Variants in RSU1 observed in about 807,000 individuals in gnomAD.
The protein encoded by RSU1 is Ras suppressor protein 1, also known as rsu-1.
A neutral mutation model predicts 31.1 loss-of-function variants in RSU1; 26 were observed. The ratio of observed to expected loss-of-function variants is 0.84; its 90% CI spans 0.61 to 1.16. RSU1 has a LOEUF of 1.16. Among genes scored for constraint, RSU1 ranks in the 50% most tolerant of loss-of-function variants. The probability of loss-of-function intolerance (pLI) is 0.00; values close to 1 mark genes in which losing one functional copy is unlikely to be tolerated. For synonymous variants in RSU1, 164 were observed against 136.3 expected (o/e 1.20, Z -1.41); for missense variants, 320 against 339.1 (o/e 0.94, Z 0.44).
chr10:16,629,333 A>C (rs1266715614), intron 8 of RSU1, among the ~76,000 whole-genome samples: 1 of 152,136 alleles, frequency 6.6e-6, no homozygotes, highest in East Asian at 1.9e-4. Context: ...CCTTTTGAAC[A>C]GGACCGAACT....
rs553752027 is a variant in RSU1 at position 16,751,912 on chromosome 10, C to T, written c.598+627G>A. Among the ~76,000 whole-genome samples, 19 of 152,074 alleles carry T rather than the reference C, an allele frequency of 1.2e-4. No individual in the cohort carries two copies. In the South Asian group the frequency reaches 1.7e-3, roughly 13 times the overall value. On this transcript the variant is annotated intron_variant, in intron 7 of 8. Coordinates refer to ENST00000345264, the MANE Select transcript of RSU1 (RefSeq NM_012425.4). The stretch of plus-strand genomic sequence containing the variant: ...TTACTGGCTTGGAGGTTATTTCTGG[C>T]GGGGGACATAAACCCACCCTGGAAA...
intron 7 of RSU1, among the ~76,000 whole-genome samples, chr10:16,699,460 G>A (rs924218775): frequency 6.6e-5 from 10 of 152,346 alleles, no homozygotes; most frequent in African/African-American, 1.9e-4. Flanking sequence ...TGCCTCGGCA[G>A]AGCTCGTCTG....
intron 3 of RSU1, among the ~76,000 whole-genome samples, chr10:16,765,507 T>C (rs1171867230): frequency 6.6e-6 from 1 of 152,142 alleles, no homozygotes; most frequent in African/African-American, 2.4e-5. Flanking sequence ...GGTTCCTCCT[T>C]CCCTAGAATA....
chr10:16,789,863 G>C (rs1337839185), intron 2 of RSU1, among the ~76,000 whole-genome samples: 4 of 152,332 alleles, frequency 2.6e-5, no homozygotes, highest in Non-Finnish European at 5.9e-5. Flanking sequence ...GGCATTTTCA[G>C]AGTAGAATAC....
intron 8 of RSU1, among the ~76,000 whole-genome samples, chr10:16,635,057 C>T (rs1361394475): frequency 2.0e-5 from 3 of 152,152 alleles, no homozygotes; most frequent in Non-Finnish European, 4.4e-5. Flanking sequence ...GGGAAGAAAA[C>T]GGACGTCCAT....
intron 2 of RSU1, among the ~76,000 whole-genome samples, chr10:16,799,129 G>C (rs1272427184): frequency 6.6e-6 from 1 of 152,178 alleles, no homozygotes; most frequent in Non-Finnish European, 1.5e-5. Context: ...TGTATCATAG[G>C]AAATGGCTAT....
At chr10:16,656,944 T>C (rs1480277441) in intron 8 of RSU1, among the ~76,000 whole-genome samples, 2 of 152,160 alleles carry the variant, frequency 1.3e-5, no homozygotes, top group Non-Finnish European at 2.9e-5. Context: ...ACAGTACAAA[T>C]AGAAGAACCG....
At chr10:16,767,628 G>GA in intron 3 of RSU1, among the ~76,000 whole-genome samples, 1 of 151,994 alleles carries the variant, frequency 6.6e-6, no homozygotes, top group East Asian at 1.9e-4. Context: ...CAGCCATAGT[G>GA]AAAATCTAAA....
chr10:16,738,962 T>C (rs1325556242), intron 7 of RSU1, among the ~76,000 whole-genome samples: 1 of 150,788 alleles, frequency 6.6e-6, no homozygotes, highest in Non-Finnish European at 1.5e-5. Context: ...ACATGTGGTG[T>C]TTGGTTTTCT....
intron 7 of RSU1, among the ~76,000 whole-genome samples, chr10:16,735,689 T>G (rs7897105): frequency 0.062 from 9,358 of 152,144 alleles, 553 homozygotes; most frequent in African/African-American, 0.15. Flanking sequence ...CATGTCCTTC[T>G]TCACGTAGCG....
intron 7 of RSU1, among the ~76,000 whole-genome samples, chr10:16,707,308 A>C (rs1835926886): frequency 6.6e-6 from 1 of 152,074 alleles, no homozygotes; most frequent in Non-Finnish European, 1.5e-5. Flanking sequence ...TTTTTGAAGG[A>C]TCTCCATACT....
rs548293063 is a variant in RSU1, at chr10:16,662,323, T to C, written c.731+32700A>G. On this transcript the variant is annotated intron_variant, in intron 8 of 8. Coordinates refer to ENST00000345264, the MANE Select transcript of RSU1 (RefSeq NM_012425.4). ...CTCTTTGAGAAATACTGGTAAATTT[T>C]TTGAATGGATTTCTGATTAATCAAA... Among the ~76,000 whole-genome samples, 3 of 152,292 alleles carry C rather than the reference T, an allele frequency of 2.0e-5. No homozygotes were observed. The East Asian group carries it at 5.8e-4, about 29-fold the overall frequency.
At chr10:16,733,780 AG>A (rs1328444928) in intron 7 of RSU1, among the ~76,000 whole-genome samples, 1 of 152,232 alleles carries the variant, frequency 6.6e-6, no homozygotes, top group African/African-American at 2.4e-5. Context: ...TTGAATGAGA[AG>A]AACAAGCTGA....
At chr10:16,796,030 C>T (rs889971993) in intron 2 of RSU1, among the ~76,000 whole-genome samples, 2 of 152,142 alleles carry the variant, frequency 1.3e-5, no homozygotes, top group Non-Finnish European at 2.9e-5. Flanking sequence ...GCAGGAGGAG[C>T]TGGAATCCTA....
At chr10:16,698,382 C>T (rs891210246) in intron 7 of RSU1, among the ~76,000 whole-genome samples, 5 of 152,152 alleles carry the variant, frequency 3.3e-5, no homozygotes, top group East Asian at 1.9e-4. Context: ...AAGAAGCACT[C>T]GTGTTCTACT....
intron 8 of RSU1, among the ~76,000 whole-genome samples, chr10:16,689,122 A>G (rs982338077): frequency 6.6e-6 from 1 of 152,194 alleles, no homozygotes; most frequent in Non-Finnish European, 1.5e-5. Flanking sequence ...AGCAATGAAA[A>G]AGAAGAGTCT....
At chr10:16,814,451 G>GA (rs369214166) in intron 2 of RSU1, among the ~76,000 whole-genome samples, 67,903 of 120,896 alleles carry the variant, frequency 0.56, 20,890 homozygotes, top group Non-Finnish European at 0.67. Context: ...CTGTTTTCAG[G>GA]AAAAAAAAAA....
chr10:16,653,376 C>A (rs1038431335), intron 8 of RSU1, among the ~76,000 whole-genome samples: 1 of 152,146 alleles, frequency 6.6e-6, no homozygotes, highest in Non-Finnish European at 1.5e-5. Flanking sequence ...ATTCTTCTCA[C>A]AAAACAATAC....
chr10:16,761,065 C>T (rs1837203147), intron 4 of RSU1, among the ~76,000 whole-genome samples: 1 of 152,092 alleles, frequency 6.6e-6, no homozygotes, highest in Non-Finnish European at 1.5e-5. Flanking sequence ...CCTCAGCCTC[C>T]CAGGTAGAGT....
Sources: gnomAD v4.1 joint callset for allele counts (sites outside exome capture counted in the v4.1 genomes callset) on GRCh38, gnomAD v4.1.1 for gene constraint, MANE v1.5 for transcripts, NCBI Gene and HGNC (gene_info 2026-07-23, HGNC 2026-07-21) for gene names.